Variants in SMYD3 observed in about 807,000 individuals in gnomAD.
The protein encoded by SMYD3 is SET and MYND domain containing 3.
A neutral mutation model predicts 57.7 loss-of-function variants in SMYD3; 36 were observed. The observed-to-expected ratio is 0.62, with a 90% confidence interval of 0.48 to 0.82. The LOEUF (loss-of-function observed/expected upper bound fraction) is 0.82, where lower values mean the gene tolerates loss of function less well. Among genes scored for constraint, SMYD3 ranks in the 40% least tolerant of loss-of-function variants. The probability of loss-of-function intolerance (pLI) is 0.00; values close to 1 mark genes in which losing one functional copy is unlikely to be tolerated. For missense variants in SMYD3, 515 were observed against 538.8 expected, an observed-to-expected ratio of 0.96 and a Z score of 0.44; for synonymous variants, 211 against 195.0, an observed-to-expected ratio of 1.08 and a Z score of -0.68.
chr1:245,763,183 C>T (rs2817506), intron 11 of SMYD3, among the ~76,000 whole-genome samples: 33,496 of 152,134 alleles, frequency 0.22, 5,042 homozygotes, highest in African/African-American at 0.4. Context: ...TTGCCAGAAC[C>T]GTATTCACTG....
intron 1 of SMYD3, among the ~76,000 whole-genome samples, chr1:246,412,280 G>C (rs1221984186): frequency 6.6e-6 from 1 of 152,214 alleles, no homozygotes; most frequent in Non-Finnish European, 1.5e-5. Context: ...ACACAGGACT[G>C]CTGTCTCTCT....
At chr1:246,246,243 AC>A (rs1203254278) in intron 5 of SMYD3, among the ~76,000 whole-genome samples, 2 of 152,142 alleles carry the variant, frequency 1.3e-5, no homozygotes, top group Non-Finnish European at 2.9e-5. Context: ...CTTCCCCTTT[AC>A]TACCTAACTT....
chr1:245,867,936 G>A (rs2051971147), intron 8 of SMYD3, among the ~76,000 whole-genome samples: 2 of 152,236 alleles, frequency 1.3e-5, no homozygotes, highest in African/African-American at 4.8e-5. Context: ...CTTGTGGACT[G>A]CAGTGTGTGC....
At chr1:246,406,142 T>C (rs2066863372) in intron 1 of SMYD3, among the ~76,000 whole-genome samples, 1 of 152,012 alleles carries the variant, frequency 6.6e-6, no homozygotes, top group Admixed American at 6.5e-5. Flanking sequence ...GCCCAGGAGC[T>C]TGAACTCCCA....
chr1:245,855,537 T>C (rs909396527), intron 10 of SMYD3, among the ~76,000 whole-genome samples: 1 of 152,252 alleles, frequency 6.6e-6, no homozygotes, highest in African/African-American at 2.4e-5. Context: ...TTCTACTTCC[T>C]GTTTACAATG....
At chr1:246,120,141 ATCTC>A (rs1242962990) in intron 5 of SMYD3, among the ~76,000 whole-genome samples, 1 of 152,196 alleles carries the variant, frequency 6.6e-6, no homozygotes, top group Non-Finnish European at 1.5e-5. Flanking sequence ...TCTTCTTGGT[ATCTC>A]TCTGCCTTTG....
chr1:246,474,315 C>T (rs569066654), intron 1 of SMYD3, among the ~76,000 whole-genome samples: 3 of 151,960 alleles, frequency 2.0e-5, no homozygotes, highest in Admixed American at 6.5e-5. Flanking sequence ...ATCAGGAGAT[C>T]GAGACCATCC....
chr1:246,393,674 TAAAAAAAAAAAAAA>T (rs796510890), intron 1 of SMYD3, among the ~76,000 whole-genome samples: 2 of 92,426 alleles, frequency 2.2e-5, no homozygotes, highest in Non-Finnish European at 4.1e-5. Context: ...CCCCCATCTC[TAAAAAAAAAAAAAA>T]AAAAAAAAAA....
intron 1 of SMYD3, among the ~76,000 whole-genome samples, chr1:246,463,463 CAT>C (rs145185380): frequency 0.017 from 2,594 of 152,020 alleles, 32 homozygotes; most frequent in Non-Finnish European, 0.026. Flanking sequence ...CTGTTTTAAA[CAT>C]GTGGAATTTC....
chr1:246,436,737 GC>G (rs1157255132), intron 1 of SMYD3, among the ~76,000 whole-genome samples: 1 of 152,016 alleles, frequency 6.6e-6, no homozygotes, highest in Non-Finnish European at 1.5e-5. Flanking sequence ...ACATGCTCCC[GC>G]CCCCAAGGGC....
Position 245,860,874 on chromosome 1 carries a change from T to C in SMYD3, c.902-2204A>G, listed in dbSNP as rs570113693. Among the ~76,000 whole-genome samples, 44 of 152,364 alleles carry C rather than the reference T, an allele frequency of 2.9e-4. 1 individual carries two copies. The highest frequency in any genetic ancestry group is 4.6e-4 in the Admixed American group (7 of 15,310). Reference sequence around the variant, plus strand: ...TCTTACACATTGCTAGACATTTCTGTGGCAAGACTTGTACCTTATTTTAAC... The same window carrying C: ...TCTTACACATTGCTAGACATTTCTGCGGCAAGACTTGTACCTTATTTTAAC... On this transcript the variant is annotated intron_variant, in intron 9 of 11. Transcript: ENST00000490107.
At chr1:246,265,833 G>A (rs899707314) in intron 5 of SMYD3, among the ~76,000 whole-genome samples, 15 of 152,194 alleles carry the variant, frequency 9.9e-5, no homozygotes, top group Non-Finnish European at 2.2e-4. Flanking sequence ...TTATATGAAA[G>A]TAACTGAGAA....
chr1:246,226,410 A>T (rs1221187972), intron 5 of SMYD3, among the ~76,000 whole-genome samples: 2 of 152,272 alleles, frequency 1.3e-5, no homozygotes, highest in East Asian at 3.8e-4. Flanking sequence ...TATTTAATCT[A>T]CATGAGACCT....
intron 5 of SMYD3, among the ~76,000 whole-genome samples, chr1:246,124,344 TAAAAAAAG>T (rs2061472346): frequency 6.8e-6 from 1 of 148,026 alleles, no homozygotes; most frequent in African/African-American, 2.6e-5. Context: ...AATGAATGAA[TAAAAAAAG>T]AAAGAAAGAA....
chr1:246,433,220 GAC>G (rs1488113425), intron 1 of SMYD3, among the ~76,000 whole-genome samples: 1 of 152,018 alleles, frequency 6.6e-6, no homozygotes, highest in Non-Finnish European at 1.5e-5. Flanking sequence ...ACTTACAATA[GAC>G]ACACACACCA....
At chr1:246,195,698 T>G (rs2148343985) in intron 5 of SMYD3, among the ~76,000 whole-genome samples, 1 of 152,356 alleles carries the variant, frequency 6.6e-6, no homozygotes, top group South Asian at 2.1e-4. Context: ...TAACTTTCCC[T>G]GTGTTGACAA....
intron 5 of SMYD3, among the ~76,000 whole-genome samples, chr1:246,258,541 G>A (rs1175899669): frequency 6.6e-6 from 1 of 151,938 alleles, no homozygotes; most frequent in Non-Finnish European, 1.5e-5. Flanking sequence ...GCTGAAAATA[G>A]CCCCCCCAAC....
At chr1:246,253,109 G>C (rs1211560535) in intron 5 of SMYD3, among the ~76,000 whole-genome samples, 2 of 151,844 alleles carry the variant, frequency 1.3e-5, no homozygotes, top group East Asian at 3.9e-4. Context: ...AAATTTTTCT[G>C]GGATTGTTGT....
intron 10 of SMYD3, among the ~76,000 whole-genome samples, chr1:245,813,005 C>CCT (rs2048568660): frequency 1.3e-5 from 1 of 75,628 alleles, no homozygotes; most frequent in African/African-American, 5.1e-5. Context: ...GAGACAGCTT[C>CCT]TTTTTTTTTT....
Sources: gnomAD v4.1 joint callset for allele counts (sites outside exome capture counted in the v4.1 genomes callset) on GRCh38, gnomAD v4.1.1 for gene constraint, MANE v1.5 for transcripts, NCBI Gene and HGNC (gene_info 2026-07-23, HGNC 2026-07-21) for gene names.